The following PRKD1 variants were observed in gnomAD, a reference collection of about 807,000 sequenced individuals.
The protein encoded by PRKD1 is serine/threonine-protein kinase D1.
Under a neutral mutation model 95.9 loss-of-function variants are expected in PRKD1, and 63 were observed. The ratio of observed to expected loss-of-function variants is 0.66; its 90% CI spans 0.54 to 0.81. PRKD1 has a LOEUF of 0.81. PRKD1 is among the 30% of genes least tolerant of loss of function. The pLI is 0.00. For missense variants in PRKD1, 1,048 were observed against 1,165.3 expected (o/e 0.90, Z 1.47); for synonymous variants, 425 against 423.1 (o/e 1.00, Z -0.05).
chr14:29,624,217 T>G lies in PRKD1; in HGVS notation c.1840A>C (p.Ile614Leu), dbSNP rs1427566130. The G allele has an allele frequency of 6.2e-7, 1 of 1,606,580 alleles. No homozygotes were observed. The highest frequency in any genetic ancestry group is 8.5e-7 in the Non-Finnish European group (1 of 1,176,216). ...KTGRDVAIKI[I>L]DKLRFPTKQE... The stretch of plus-strand genomic sequence containing the variant: ...TTTGTTGGAAATCGTAATTTGTCAA[T>G]GATTTTAATAGCTACATCTCTTCCT... Residue 614 changes from isoleucine (I) to leucine (L), a missense_variant, in exon 13 of 18, where the codon ATT becomes CTT. Coordinates refer to ENST00000331968, the MANE Select transcript of PRKD1 (RefSeq NM_002742.3).
intron 1 of PRKD1, among the ~76,000 whole-genome samples, chr14:29,883,024 T>C (rs1168125837): frequency 2.0e-5 from 3 of 152,186 alleles, no homozygotes; most frequent in Non-Finnish European, 4.4e-5. Flanking sequence ...CTGCAGGCTA[T>C]ACAAGCATGG....
chr14:29,857,970 C>T (rs1368309680), intron 1 of PRKD1, among the ~76,000 whole-genome samples: 1 of 152,176 alleles, frequency 6.6e-6, no homozygotes, highest in Non-Finnish European at 1.5e-5. Context: ...AAATTTTTAA[C>T]ATGGGTTCAA....
intron 4 of PRKD1, among the ~76,000 whole-genome samples, chr14:29,651,806 G>A (rs1186443045): frequency 6.6e-6 from 1 of 152,108 alleles, no homozygotes; most frequent in Non-Finnish European, 1.5e-5. Flanking sequence ...TGCAATGGCT[G>A]TGATCTCTGC....
At chr14:29,765,699 G>C (rs1888226396) in intron 1 of PRKD1, among the ~76,000 whole-genome samples, 1 of 152,112 alleles carries the variant, frequency 6.6e-6, no homozygotes, top group African/African-American at 2.4e-5. Context: ...ATATAGCAAT[G>C]AGAATAAACA....
chr14:29,657,251 G>A (rs1484581570), intron 4 of PRKD1, among the ~76,000 whole-genome samples: 1 of 152,118 alleles, frequency 6.6e-6, no homozygotes, highest in Non-Finnish European at 1.5e-5. Context: ...ACACTTAACT[G>A]GTAATTTATA....
chr14:29,843,961 A>T (rs779376651), intron 1 of PRKD1, among the ~76,000 whole-genome samples: 1 of 152,206 alleles, frequency 6.6e-6, no homozygotes, highest in Non-Finnish European at 1.5e-5. Flanking sequence ...TTGTAGTAAA[A>T]AATGTATAAA....
intron 2 of PRKD1, among the ~76,000 whole-genome samples, chr14:29,690,807 T>C (rs1217856380): frequency 6.6e-6 from 1 of 152,200 alleles, no homozygotes; most frequent in Admixed American, 6.5e-5. Flanking sequence ...CATTTCAATA[T>C]CTCAGAATAC....
intron 2 of PRKD1, among the ~76,000 whole-genome samples, chr14:29,683,880 A>G (rs1298303744): frequency 6.6e-6 from 1 of 152,230 alleles, no homozygotes; most frequent in Non-Finnish European, 1.5e-5. Context: ...AGGCTTTTGG[A>G]ATTTAAAGAG....
intron 1 of PRKD1, among the ~76,000 whole-genome samples, chr14:29,740,258 T>G (rs1380622425): frequency 6.6e-6 from 1 of 152,198 alleles, no homozygotes; most frequent in Non-Finnish European, 1.5e-5. Context: ...ATGAAGATTT[T>G]TATATTTCAT....
At chr14:29,829,568 C>T (rs2781351) in intron 1 of PRKD1, among the ~76,000 whole-genome samples, 111,884 of 152,068 alleles carry the variant, frequency 0.74, 41,240 homozygotes, top group Middle Eastern at 0.76. Flanking sequence ...GGTTTCTTTG[C>T]ATGTTCATTT....
intron 1 of PRKD1, among the ~76,000 whole-genome samples, chr14:29,888,383 T>C (rs548402723): frequency 2.0e-5 from 3 of 151,968 alleles, no homozygotes; most frequent in Non-Finnish European, 2.9e-5. Context: ...AAATGTCTTA[T>C]GAATGGAAAA....
At chr14:29,725,089 G>A (rs1172072507) in intron 2 of PRKD1, among the ~76,000 whole-genome samples, 1 of 152,144 alleles carries the variant, frequency 6.6e-6, no homozygotes, top group Non-Finnish European at 1.5e-5. Flanking sequence ...CTTGGTCTTG[G>A]CTTACCTCAT....
chr14:29,804,057 C>T (rs1890136152), intron 1 of PRKD1, among the ~76,000 whole-genome samples: 1 of 152,036 alleles, frequency 6.6e-6, no homozygotes, highest in Non-Finnish European at 1.5e-5. Context: ...GCCTGGCCAA[C>T]ATGGCAAAAC....
chr14:29,689,783 T>C (rs1216119697), intron 2 of PRKD1, among the ~76,000 whole-genome samples: 1 of 152,186 alleles, frequency 6.6e-6, no homozygotes, highest in African/African-American at 2.4e-5. Flanking sequence ...CATGGAATAC[T>C]ATGCAGCCAT....
intron 1 of PRKD1, among the ~76,000 whole-genome samples, chr14:29,820,475 A>G (rs77507467): frequency 0.042 from 6,423 of 152,316 alleles, 310 homozygotes; most frequent in East Asian, 0.25. Context: ...ACTCCGTGTC[A>G]GAGAAAAGAA....
intron 2 of PRKD1, among the ~76,000 whole-genome samples, chr14:29,697,390 A>G (rs1884586247): frequency 6.6e-6 from 1 of 152,216 alleles, no homozygotes; most frequent in Non-Finnish European, 1.5e-5. Flanking sequence ...ACGTTTCTAT[A>G]GCATAAATGA....
At chr14:29,851,399 A>G (rs1892302341) in intron 1 of PRKD1, among the ~76,000 whole-genome samples, 1 of 152,074 alleles carries the variant, frequency 6.6e-6, no homozygotes, top group African/African-American at 2.4e-5. Context: ...AACAAAAACA[A>G]AACATTAAAA....
In PRKD1 at chr14:29,630,815, C is replaced by T; in HGVS notation, c.1599G>A (p.Glu533=). ...GVGADVARMW[E]IAIQHALMPV... ...GCATAAGGGCATGCTGGATGGCTAT[C>T]TCCCACATCCTGGCCACATCTGCAC... Residue 533 remains glutamate (E), a synonymous_variant, in exon 10 of 18, where the codon GAG becomes GAA. Coordinates refer to ENST00000331968, the MANE Select transcript of PRKD1 (RefSeq NM_002742.3). 1 of 1,614,106 alleles carries T rather than the reference C, an allele frequency of 6.2e-7. No homozygotes were observed. The highest frequency in any genetic ancestry group is 8.5e-7 in the Non-Finnish European group (1 of 1,179,988).
At chr14:29,817,171 A>T (rs1434459690) in intron 1 of PRKD1, among the ~76,000 whole-genome samples, 1 of 152,212 alleles carries the variant, frequency 6.6e-6, no homozygotes, top group African/African-American at 2.4e-5. Context: ...ACTAACATAA[A>T]TGTTCTTCAC....
Sources: allele counts gnomAD v4.1 joint callset (sites outside exome capture counted in the v4.1 genomes callset), GRCh38; gene constraint gnomAD v4.1.1; transcripts MANE v1.5; gene names NCBI Gene and HGNC (gene_info 2026-07-23, HGNC 2026-07-21).